The following GEMIN5 variants were observed in gnomAD, a reference collection of about 807,000 sequenced individuals.
GEMIN5 encodes gem-associated protein 5.
GEMIN5 carries 124 observed loss-of-function variants against 176.9 expected under a neutral mutation model. The observed-to-expected ratio is 0.70, with a 90% CI of 0.61 to 0.81. GEMIN5 has a LOEUF of 0.81. Among genes scored for constraint, GEMIN5 ranks in the 40% least tolerant of loss-of-function variants. The probability of loss-of-function intolerance (pLI) is 0.00; values close to 1 mark genes in which losing one functional copy is unlikely to be tolerated. For missense variants in GEMIN5, 1,843 were observed against 1,814.6 expected, an observed-to-expected ratio of 1.02 and a Z score of -0.28; for synonymous variants, 673 against 665.2, an observed-to-expected ratio of 1.01 and a Z score of -0.18.
intron 11 of GEMIN5, 146 bp from the exon 12 acceptor site, chr5:154,918,150 G>T: frequency 1.7e-6 from 1 of 600,320 alleles, no homozygotes; most frequent in Non-Finnish European, 2.9e-6. Flanking sequence ...ATTAGTAAAA[G>T]GATTACTAAG....
At chr5:154,916,290 A>G (rs1763807416) in intron 13 of GEMIN5, among the ~76,000 whole-genome samples, 1 of 152,182 alleles carries the variant, frequency 6.6e-6, no homozygotes, top group Admixed American at 6.5e-5. Flanking sequence ...TGCAAGCACT[A>G]TATATTATAT....
chr5:154,929,778 G>A (rs1764122989), intron 5 of GEMIN5, among the ~76,000 whole-genome samples: 2 of 152,188 alleles, frequency 1.3e-5, no homozygotes, highest in Admixed American at 6.5e-5. Flanking sequence ...TATACTATTA[G>A]TTACCTACCA....
chr5:154,920,346 A>C (rs1763899068), intron 10 of GEMIN5, among the ~76,000 whole-genome samples: 1 of 152,216 alleles, frequency 6.6e-6, no homozygotes, highest in Non-Finnish European at 1.5e-5. Context: ...TATTTGCTTT[A>C]AACAGTCTTC....
chr5:154,893,477 A>T (rs1763282398), intron 24 of GEMIN5, among the ~76,000 whole-genome samples: 1 of 152,178 alleles, frequency 6.6e-6, no homozygotes, highest in African/African-American at 2.4e-5. Context: ...GAGTACAACT[A>T]AGAAAAATGT....
chr5:154,908,108 C>T (rs531851225), intron 15 of GEMIN5, among the ~76,000 whole-genome samples: 3 of 150,460 alleles, frequency 2.0e-5, no homozygotes, highest in South Asian at 4.2e-4. Flanking sequence ...GAAATTAACA[C>T]GATTCACTAC....
chr5:154,906,526 CTTG>C, intron 16 of GEMIN5, among the ~76,000 whole-genome samples: 1 of 152,216 alleles, frequency 6.6e-6, no homozygotes, highest in African/African-American at 2.4e-5. Context: ...TTAAAAACAA[CTTG>C]TTGATCCATG....
intron 6 of GEMIN5, among the ~76,000 whole-genome samples, chr5:154,928,179 T>C (rs1444342838): frequency 1.3e-5 from 2 of 152,164 alleles, no homozygotes; most frequent in Non-Finnish European, 2.9e-5. Flanking sequence ...GGCATAGCCA[T>C]CCAACCTAAG....
intron 5 of GEMIN5, among the ~76,000 whole-genome samples, chr5:154,930,946 C>T (rs927910804): frequency 7.2e-5 from 11 of 152,090 alleles, no homozygotes; most frequent in Non-Finnish European, 1.6e-4. Flanking sequence ...ATTCATTATG[C>T]CTAGAGTTTC....
intron 15 of GEMIN5, among the ~76,000 whole-genome samples, chr5:154,909,334 A>G (rs1439570713): frequency 6.6e-6 from 1 of 151,836 alleles, no homozygotes; most frequent in East Asian, 1.9e-4. Flanking sequence ...CTTGGCATCT[A>G]GTTGGCATCC....
At chr5:154,905,718 A>G (rs1433245239) in intron 16 of GEMIN5, among the ~76,000 whole-genome samples, 3 of 121,164 alleles carry the variant, frequency 2.5e-5, no homozygotes, top group South Asian at 2.7e-4. Context: ...TTTTTTTTTG[A>G]GACGAAGTCT....
chr5:154,917,696 A>AC (rs1763841026), intron 12 of GEMIN5, among the ~76,000 whole-genome samples: 2 of 152,226 alleles, frequency 1.3e-5, no homozygotes, highest in Non-Finnish European at 2.9e-5. Context: ...TGTGAGGGAC[A>AC]AGACAGCCAA....
chr5:154,892,394 G>C lies in GEMIN5; in HGVS notation c.3753C>G (p.Leu1251=), dbSNP rs1763248160. 1 of 1,613,572 alleles carries C rather than the reference G, an allele frequency of 6.2e-7. No homozygotes were observed. The highest frequency in any genetic ancestry group is 8.5e-7 in the Non-Finnish European group (1 of 1,179,620). The change falls in exon 25 of 28, where the codon CTC becomes CTG. Residue 1251 remains leucine, a synonymous_variant. Coordinates refer to ENST00000285873, the MANE Select transcript of GEMIN5 (RefSeq NM_015465.5). Reference sequence around the variant, plus strand: ...CAGCAGGAAGTCACTTACCGTCAGGGAGAAAGGCTGAGTACACTTCCTGCA... The same window carrying C: ...CAGCAGGAAGTCACTTACCGTCAGGCAGAAAGGCTGAGTACACTTCCTGCA... ...TIMQEVYSAF[L]PDGCDHLRDK... is the part of the protein sequence containing the mutation.
chr5:154,922,529 C>G (rs1169478356), intron 9 of GEMIN5, among the ~76,000 whole-genome samples: 1 of 152,060 alleles, frequency 6.6e-6, no homozygotes, highest in African/African-American at 2.4e-5. Flanking sequence ...TAGGGCAATA[C>G]CCACCACTCT....
At position 154,912,945 on chromosome 5, in the gene GEMIN5, T is replaced by C; in HGVS notation, c.1949A>G (p.His650Arg). ...AKITSVAWSPHHDGRLVSASY... is the reference protein window; with the variant it reads ...AKITSVAWSPRHDGRLVSASY... ...AGCAGATACCAGCCTTCCATCATGA[T>C]GTGGGCTCCACGCCACACTGGTAAT... The change falls in exon 14 of 28, where the codon CAT becomes CGT. Residue 650 changes from histidine (H) to arginine (R), a missense_variant. His to Arg is a conservative substitution (Grantham distance 29, BLOSUM62 0). Transcript: ENST00000285873. The C allele has an allele frequency of 3.1e-6, 5 of 1,613,990 alleles. No individual in the cohort carries two copies. Among genetic ancestry groups the C allele is most frequent in the Non-Finnish European group, 4.2e-6 (5 of 1,179,848 alleles).
At chr5:154,914,994 A>T (rs1763783364) in intron 13 of GEMIN5, among the ~76,000 whole-genome samples, 1 of 152,204 alleles carries the variant, frequency 6.6e-6, no homozygotes, top group African/African-American at 2.4e-5. Flanking sequence ...TCAAAATAAG[A>T]AGGTAAAAAT....
chr5:154,932,916 T>C (rs1429468568), intron 3 of GEMIN5, among the ~76,000 whole-genome samples: 1 of 152,220 alleles, frequency 6.6e-6, no homozygotes, highest in African/African-American at 2.4e-5. Flanking sequence ...AAATAATCTC[T>C]TTCTTTATAA....
intron 3 of GEMIN5, among the ~76,000 whole-genome samples, chr5:154,934,646 G>A (rs1006547782): frequency 7.2e-5 from 11 of 151,986 alleles, no homozygotes; most frequent in Non-Finnish European, 8.8e-5. Flanking sequence ...CGTACGCCCC[G>A]TCTCCTTCTC....
intron 17 of GEMIN5, 94 bp downstream of exon 17, chr5:154,905,269 A>C: frequency 1.7e-6 from 1 of 575,556 alleles, no homozygotes; most frequent in African/African-American, 1.9e-5. Flanking sequence ...AAAACAAACA[A>C]GAAACCACAC....
At chr5:154,929,994 AAT>A (rs1346776074) in intron 5 of GEMIN5, among the ~76,000 whole-genome samples, 24 of 152,322 alleles carry the variant, frequency 1.6e-4, no homozygotes, top group African/African-American at 5.1e-4. Context: ...TCAAAGAATC[AAT>A]ATGTCAGTAT....
Sources: allele counts gnomAD v4.1 joint callset (sites outside exome capture counted in the v4.1 genomes callset), GRCh38; gene constraint gnomAD v4.1.1; transcripts MANE v1.5; gene names NCBI Gene and HGNC (gene_info 2026-07-23, HGNC 2026-07-21).